Variants in ADARB2 observed in about 807,000 individuals in gnomAD.
ADARB2 encodes inactive double-stranded RNA-specific editase B2.
ADARB2 carries 25 observed loss-of-function variants against 62.2 expected under a neutral mutation model. That is an observed-to-expected ratio of 0.40 (90% CI 0.29 to 0.56). The LOEUF (loss-of-function observed/expected upper bound fraction) is 0.56. Ranked by LOEUF, ADARB2 falls within the 20% of genes least tolerant of loss-of-function variation. The pLI is 0.43. For synonymous variants in ADARB2, 572 were observed against 500.8 expected (o/e 1.14, Z -1.90); for missense variants, 1,071 against 1,077.4 (o/e 0.99, Z 0.08).
intron 1 of ADARB2, among the ~76,000 whole-genome samples, chr10:1,547,534 G>A (rs1346161155): frequency 1.6e-5 from 2 of 126,378 alleles, no homozygotes; most frequent in African/African-American, 3.1e-5. Flanking sequence ...GTACTGTGTT[G>A]TGGGGGAGTG....
chr10:1,696,659 G>A (rs971293535), intron 1 of ADARB2, among the ~76,000 whole-genome samples: 2 of 152,194 alleles, frequency 1.3e-5, no homozygotes, highest in African/African-American at 4.8e-5. Flanking sequence ...CTGTGCCTCC[G>A]CTGAGAGATG....
intron 1 of ADARB2, among the ~76,000 whole-genome samples, chr10:1,499,558 CTCATCACTCACTCATCAT>C (rs898465124): frequency 6.6e-6 from 1 of 151,836 alleles, no homozygotes; most frequent in African/African-American, 2.4e-5. Flanking sequence ...TCACTCATCA[CTCATCACTCACTCATCAT>C]TCATCACCCA....
At chr10:1,451,829 G>A (rs1279691594) in intron 1 of ADARB2, among the ~76,000 whole-genome samples, 1 of 152,192 alleles carries the variant, frequency 6.6e-6, no homozygotes, top group Non-Finnish European at 1.5e-5. Context: ...CATGTGCCAG[G>A]GCCCCATGGA....
intron 1 of ADARB2, among the ~76,000 whole-genome samples, chr10:1,709,516 G>A (rs17221972): frequency 0.33 from 50,353 of 152,138 alleles, 8,964 homozygotes; most frequent in Middle Eastern, 0.48. Flanking sequence ...TGTGGAAGCC[G>A]GGCTTTCTTT....
chr10:1,679,080 G>A (rs929189346), intron 1 of ADARB2, among the ~76,000 whole-genome samples: 1 of 152,146 alleles, frequency 6.6e-6, no homozygotes, highest in African/African-American at 2.4e-5. Flanking sequence ...GCAGGCCCTG[G>A]GCCCCATTTC....
At chr10:1,295,173 C>T (rs1052134524) in intron 3 of ADARB2, among the ~76,000 whole-genome samples, 2 of 152,206 alleles carry the variant, frequency 1.3e-5, no homozygotes, top group African/African-American at 4.8e-5. Context: ...TGGTGCAGAG[C>T]TCGACATATG....
At chr10:1,651,981 G>A (rs370080074) in intron 1 of ADARB2, among the ~76,000 whole-genome samples, 1 of 152,190 alleles carries the variant, frequency 6.6e-6, no homozygotes, top group Non-Finnish European at 1.5e-5. Flanking sequence ...TAAATAAAAT[G>A]GTTTTCAATA....
intron 3 of ADARB2, among the ~76,000 whole-genome samples, chr10:1,323,341 G>A (rs1589191943): frequency 6.6e-6 from 1 of 150,888 alleles, no homozygotes; most frequent in Non-Finnish European, 1.5e-5. Flanking sequence ...AATTAATAGA[G>A]AGACATGCCG....
chr10:1,417,770 G>A (rs1044084062), intron 1 of ADARB2, among the ~76,000 whole-genome samples: 8 of 152,182 alleles, frequency 5.3e-5, no homozygotes, highest in South Asian at 2.1e-4. Context: ...TGGGCTCTGC[G>A]TGCTTCTTAG....
chr10:1,274,975 G>A (rs1047905621), intron 3 of ADARB2, among the ~76,000 whole-genome samples: 26 of 152,194 alleles, frequency 1.7e-4, no homozygotes, highest in Admixed American at 1.7e-3. Context: ...AGAAGGCAGT[G>A]GCCCTTGGAG....
intron 1 of ADARB2, among the ~76,000 whole-genome samples, chr10:1,671,207 G>A (rs1004999286): frequency 1.3e-5 from 2 of 152,164 alleles, no homozygotes; most frequent in Non-Finnish European, 2.9e-5. Flanking sequence ...AAGCCACAGC[G>A]TCTGCTCTCA....
At chr10:1,256,022 G>A in intron 4 of ADARB2, among the ~76,000 whole-genome samples, 1 of 152,226 alleles carries the variant, frequency 6.6e-6, no homozygotes, top group East Asian at 1.9e-4. Flanking sequence ...ACAGGCAGAT[G>A]CAGCAGTATT....
chr10:1,599,025 T>C (rs1465903873), intron 1 of ADARB2, among the ~76,000 whole-genome samples: 1 of 152,236 alleles, frequency 6.6e-6, no homozygotes, highest in Non-Finnish European at 1.5e-5. Context: ...CAGCCCAGTA[T>C]TGTAGCTCAC....
At chr10:1,465,627 C>CAAAAGGTAAAGT (rs1831244885) in intron 1 of ADARB2, among the ~76,000 whole-genome samples, 1 of 152,214 alleles carries the variant, frequency 6.6e-6, no homozygotes, top group African/African-American at 2.4e-5. Context: ...CTTTACCTGT[C>CAAAAGGTAAAGT]CTCAGACTGA....
chr10:1,217,552 A>C (rs957387537), intron 6 of ADARB2, among the ~76,000 whole-genome samples: 4 of 152,242 alleles, frequency 2.6e-5, no homozygotes, highest in African/African-American at 9.6e-5. Context: ...TCAGCCATTA[A>C]AAATGTAAAT....
chr10:1,492,422 C>T (rs1831633957), intron 1 of ADARB2, among the ~76,000 whole-genome samples: 1 of 152,086 alleles, frequency 6.6e-6, no homozygotes, highest in Non-Finnish European at 1.5e-5. Context: ...CGTGAGGGAA[C>T]ACAGGAGAGT....
chr10:1,616,737 G>A (rs112244904), intron 1 of ADARB2, among the ~76,000 whole-genome samples: 97 of 118,208 alleles, frequency 8.2e-4, no homozygotes, highest in Middle Eastern at 5.7e-3. Flanking sequence ...TTGTGTGCCC[G>A]TCCAGACACA....
chr10:1,195,813 G>A (rs1487864915), intron 8 of ADARB2, among the ~76,000 whole-genome samples: 1 of 152,146 alleles, frequency 6.6e-6, no homozygotes, highest in Non-Finnish European at 1.5e-5. Flanking sequence ...GGCATCCTAA[G>A]ATGATGGTGG....
chr10:1,501,167 C>T (rs992819467), intron 1 of ADARB2, among the ~76,000 whole-genome samples: 22 of 152,344 alleles, frequency 1.4e-4, no homozygotes, highest in African/African-American at 5.1e-4. Flanking sequence ...GTCACCACGC[C>T]TGGCCTCTAG....
Sources: gnomAD v4.1 joint callset for allele counts (sites outside exome capture counted in the v4.1 genomes callset) on GRCh38, gnomAD v4.1.1 for gene constraint, MANE v1.5 for transcripts, NCBI Gene and HGNC (gene_info 2026-07-23, HGNC 2026-07-21) for gene names.